Variants in ARB2A observed in about 807,000 individuals in gnomAD.
ARB2A encodes the protein ARB2 cotranscriptional regulator A.
At chr5:93,629,719 T>C in the ARB2A span, among the ~76,000 whole-genome samples, 1 of 152,130 alleles carries the variant, frequency 6.6e-6, no homozygotes, top group East Asian at 1.9e-4. Flanking sequence ...AGGTAATGAA[T>C]AAACTTTGTA....
chr5:94,035,597 C>A, the ARB2A span, among the ~76,000 whole-genome samples: 1 of 151,936 alleles, frequency 6.6e-6, no homozygotes, highest in African/African-American at 2.4e-5. Flanking sequence ...GGACCTGGAG[C>A]CAACCCAACT....
the ARB2A span, among the ~76,000 whole-genome samples, chr5:93,850,305 C>A: frequency 6.6e-6 from 1 of 152,056 alleles, no homozygotes; most frequent in Non-Finnish European, 1.5e-5. Context: ...GAGGAAGAGA[C>A]CAGAGTTATT....
the ARB2A span, among the ~76,000 whole-genome samples, chr5:93,624,095 C>A: frequency 1.3e-5 from 2 of 152,090 alleles, no homozygotes; most frequent in African/African-American, 4.8e-5. Context: ...AAAAATACAT[C>A]ACTTTAGGGG....
chr5:93,825,075 T>C, the ARB2A span, among the ~76,000 whole-genome samples: 1 of 152,236 alleles, frequency 6.6e-6, no homozygotes, highest in African/African-American at 2.4e-5. Flanking sequence ...TCTCCCGTTG[T>C]AATTCTTCAA....
At chr5:93,780,234 G>A in the ARB2A span, among the ~76,000 whole-genome samples, 1 of 152,200 alleles carries the variant, frequency 6.6e-6, no homozygotes, top group Non-Finnish European at 1.5e-5. Flanking sequence ...TACACTCAGA[G>A]TTGAATGGTG....
the ARB2A span, among the ~76,000 whole-genome samples, chr5:94,032,729 T>C: frequency 5.9e-5 from 9 of 152,302 alleles, no homozygotes; most frequent in Non-Finnish European, 1.5e-5. Flanking sequence ...CCTACAATTG[T>C]GTCCTGGAGG....
the ARB2A span, among the ~76,000 whole-genome samples, chr5:93,701,426 T>C: frequency 6.6e-6 from 1 of 152,146 alleles, no homozygotes; most frequent in East Asian, 1.9e-4. Flanking sequence ...TATTGACTGA[T>C]TTTTCAGTTT....
chr5:93,666,731 CT>C, the ARB2A span, among the ~76,000 whole-genome samples: 26 of 152,164 alleles, frequency 1.7e-4, no homozygotes, highest in Non-Finnish European at 1.2e-4. Flanking sequence ...CATCTGCCCC[CT>C]GGAATACCTA....
At chr5:93,626,965 C>T in the ARB2A span, among the ~76,000 whole-genome samples, 1 of 152,210 alleles carries the variant, frequency 6.6e-6, no homozygotes, top group Non-Finnish European at 1.5e-5. Context: ...CCTTTCAAAC[C>T]TTGCCACTGT....
At chr5:93,714,312 G>C in the ARB2A span, among the ~76,000 whole-genome samples, 3 of 152,196 alleles carry the variant, frequency 2.0e-5, no homozygotes, top group African/African-American at 7.2e-5. Flanking sequence ...ATGTTAATGA[G>C]TTTAAATTAT....
chr5:93,947,563 T>A, the ARB2A span, among the ~76,000 whole-genome samples: 1 of 151,356 alleles, frequency 6.6e-6, no homozygotes, highest in Non-Finnish European at 1.5e-5. Context: ...ATGTGCACAA[T>A]GTGCAGGTTA....
chr5:93,810,479 T>G, the ARB2A span, among the ~76,000 whole-genome samples: 1 of 152,126 alleles, frequency 6.6e-6, no homozygotes, highest in Non-Finnish European at 1.5e-5. Context: ...CACGGCTCAC[T>G]GTATCCTTGA....
the ARB2A span, among the ~76,000 whole-genome samples, chr5:94,006,609 G>A: frequency 6.6e-6 from 1 of 152,126 alleles, no homozygotes; most frequent in African/African-American, 2.4e-5. Flanking sequence ...AAAGCTAAAT[G>A]AAAACAGTGA....
the ARB2A span, among the ~76,000 whole-genome samples, chr5:93,681,016 T>A: frequency 2.6e-5 from 4 of 152,196 alleles, no homozygotes; most frequent in Admixed American, 1.3e-4. Flanking sequence ...TATCTGCAAA[T>A]AAGTTTGTGA....
chr5:93,998,920 A>G, the ARB2A span, among the ~76,000 whole-genome samples: 6 of 152,064 alleles, frequency 3.9e-5, no homozygotes, highest in Non-Finnish European at 7.4e-5. Flanking sequence ...AGCATAAAAC[A>G]TATTATTCTT....
chr5:93,924,332 T>C, the ARB2A span, among the ~76,000 whole-genome samples: 2 of 152,212 alleles, frequency 1.3e-5, no homozygotes, highest in African/African-American at 4.8e-5. Flanking sequence ...CATGATTTAA[T>C]GCCCAAGTTT....
chr5:93,843,966 T>TCACTGC, the ARB2A span, among the ~76,000 whole-genome samples: 24 of 152,130 alleles, frequency 1.6e-4, no homozygotes, highest in African/African-American at 5.8e-4. Context: ...GAATGAAATA[T>TCACTGC]ATATGTATAG....
At chr5:93,643,931 C>A in the ARB2A span, among the ~76,000 whole-genome samples, 3 of 152,200 alleles carry the variant, frequency 2.0e-5, no homozygotes, top group African/African-American at 7.2e-5. Flanking sequence ...TGGCACTGTG[C>A]CCCTTCATAC....
At chr5:93,754,625 A>G in the ARB2A span, among the ~76,000 whole-genome samples, 1 of 152,214 alleles carries the variant, frequency 6.6e-6, no homozygotes, top group Admixed American at 6.5e-5. Context: ...CCAGTGCTCT[A>G]TACGCTTGTC....
Sources: allele counts gnomAD v4.1 joint callset (sites outside exome capture counted in the v4.1 genomes callset), GRCh38; gene constraint gnomAD v4.1.1; transcripts MANE v1.5; gene names NCBI Gene and HGNC (gene_info 2026-07-23, HGNC 2026-07-21).